The following MON2 variants were observed in gnomAD, a reference collection of about 807,000 sequenced individuals.
MON2 encodes MON2 regulator of endosome-to-Golgi trafficking, also known as protein MON2 homolog.
Under a neutral mutation model 208.6 loss-of-function variants are expected in MON2, and 84 were observed. That is an observed-to-expected ratio of 0.40 (90% CI 0.34 to 0.48). The LOEUF is 0.48. Among genes scored for constraint, MON2 ranks in the 20% least tolerant of loss-of-function variants. The probability of loss-of-function intolerance (pLI) is 0.59; values close to 1 mark genes in which losing one functional copy is unlikely to be tolerated. For missense variants in MON2, 1,611 were observed against 2,015.4 expected (o/e 0.80, Z 3.84); for synonymous variants, 660 against 694.0 (o/e 0.95, Z 0.77).
intron 2 of MON2, among the ~76,000 whole-genome samples, chr12:62,485,623 G>A (rs1411653248): frequency 6.6e-6 from 1 of 152,202 alleles, no homozygotes; most frequent in Admixed American, 6.5e-5. Flanking sequence ...ATATTGAGAA[G>A]TGGTATAGTG....
At chr12:62,545,545 G>A (rs1284038306) in intron 21 of MON2, 3 of 151,962 alleles carry the variant, frequency 2.0e-5, no homozygotes, top group Non-Finnish European at 4.4e-5. Context: ...TGACTGAGTA[G>A]GAATGAGGCA....
At chr12:62,572,500 C>T (rs963872721) in intron 30 of MON2, among the ~76,000 whole-genome samples, 26 of 152,216 alleles carry the variant, frequency 1.7e-4, no homozygotes, top group African/African-American at 6.0e-4. Context: ...GACCCAAGTG[C>T]AGCAGTGTGA....
At chr12:62,518,718 G>A (rs944589936) in intron 8 of MON2, among the ~76,000 whole-genome samples, 1 of 152,168 alleles carries the variant, frequency 6.6e-6, no homozygotes, top group South Asian at 2.1e-4. Context: ...AGGAAGGCCT[G>A]TTTTCCTGCT....
At chr12:62,573,392 A>G (rs1592437120) in intron 30 of MON2, among the ~76,000 whole-genome samples, 1 of 147,552 alleles carries the variant, frequency 6.8e-6, no homozygotes, top group Admixed American at 6.7e-5. Flanking sequence ...CTTTCAGATC[A>G]GCTTTTTTTT....
intron 29 of MON2, among the ~76,000 whole-genome samples, chr12:62,569,106 T>C (rs2074493636): frequency 6.6e-6 from 1 of 152,234 alleles, no homozygotes; most frequent in Non-Finnish European, 1.5e-5. Context: ...GAGCACATAC[T>C]GTATACCACT....
chr12:62,547,171 T>A (rs1365745223), intron 22 of MON2, 99 bp downstream of exon 22: 2 of 783,594 alleles, frequency 2.6e-6, no homozygotes, highest in Non-Finnish European at 1.8e-6. Flanking sequence ...AGAGAAGGAC[T>A]CCATCCTAAA....
At chr12:62,588,939 G>A in intron 34 of MON2, 6 of 1,371,302 alleles carry the variant, frequency 4.4e-6, no homozygotes, top group African/African-American at 1.5e-5. Context: ...TCTTTTCATT[G>A]AATGCAAAGC....
intron 8 of MON2, among the ~76,000 whole-genome samples, chr12:62,523,913 G>A (rs964652580): frequency 6.6e-6 from 1 of 152,046 alleles, no homozygotes; most frequent in Admixed American, 6.6e-5. Flanking sequence ...GGTGTGCCTT[G>A]AACATTATTT....
chr12:62,550,683 G>A (rs2073699925), intron 23 of MON2, among the ~76,000 whole-genome samples: 1 of 152,186 alleles, frequency 6.6e-6, no homozygotes, highest in Non-Finnish European at 1.5e-5. Flanking sequence ...AGGTTATGGT[G>A]ATAACGTCTT....
Position 62,598,882 on chromosome 12 carries a change from T to C in MON2, c.*6133T>C, listed in dbSNP as rs543360077. 1 of 152,298 alleles carries C rather than the reference T, an allele frequency of 6.6e-6. No individual in the cohort carries two copies. The highest frequency in any genetic ancestry group is 1.5e-5 in the Non-Finnish European group (1 of 67,996). 9.4% of individuals were successfully genotyped at this position (152,298 alleles called of 1,614,324 possible). A position where few individuals can be genotyped will look rare whatever the true frequency, so the allele number is the denominator to read the frequency against. Reference sequence around the variant, plus strand: ...GTTTTACAGCTAACATTAAGCATGATTCCAGGTTTTTAATTATGTTCCAGC... The same window carrying C: ...GTTTTACAGCTAACATTAAGCATGACTCCAGGTTTTTAATTATGTTCCAGC... On this transcript the variant is annotated 3_prime_UTR_variant, in exon 35 of 35. Transcript: ENST00000393630.
intron 5 of MON2, among the ~76,000 whole-genome samples, chr12:62,500,198 T>C (rs1274789336): frequency 6.6e-6 from 1 of 152,158 alleles, no homozygotes; most frequent in Admixed American, 6.5e-5. Context: ...ACTTAGAACT[T>C]TTTTCTTTTC....
At chr12:62,482,527 T>C (rs1031812312) in intron 1 of MON2, 6 of 152,218 alleles carry the variant, frequency 3.9e-5, no homozygotes, top group African/African-American at 1.2e-4. Flanking sequence ...ATAAGAAAAC[T>C]TGTACATATA....
rs900965100 is a variant in MON2 at position 62,546,796 on chromosome 12, A to G, written c.2578-101A>G. The G allele has an allele frequency of 1.2e-5, 10 of 826,280 alleles. No individual in the cohort carries two copies. In the African/African-American group the frequency reaches 1.6e-4, roughly 13 times the overall value. The allele number at this position is 826,280 out of a possible 1,614,324, so 51.2% of individuals were successfully genotyped here. A position where few individuals can be genotyped will look rare whatever the true frequency, so the allele number is the denominator to read the frequency against. ...AAACATAAAAATATCTATTTCCCAT[A>G]GTAGTCTGAATGGCGATGAATTTAA... On this transcript the variant is annotated intron_variant, in intron 21 of 34. Coordinates refer to ENST00000393630, the MANE Select transcript of MON2 (RefSeq NM_015026.3).
At chr12:62,542,371 T>G (rs1223907889) in intron 19 of MON2, among the ~76,000 whole-genome samples, 1 of 152,258 alleles carries the variant, frequency 6.6e-6, no homozygotes, top group Non-Finnish European at 1.5e-5. Context: ...AGTTGTCTTG[T>G]CTTTTTTCTA....
At chr12:62,578,013 A>C (rs2074853531) in intron 30 of MON2, among the ~76,000 whole-genome samples, 1 of 152,066 alleles carries the variant, frequency 6.6e-6, no homozygotes, top group Non-Finnish European at 1.5e-5. Context: ...CATTGTATTT[A>C]TTACAAATTA....
intron 30 of MON2, among the ~76,000 whole-genome samples, chr12:62,577,029 T>C (rs2074817154): frequency 6.6e-6 from 1 of 151,956 alleles, no homozygotes; most frequent in Non-Finnish European, 1.5e-5. Context: ...TTTTGCCTCT[T>C]CATTTTTTGT....
chr12:62,532,235 G>T (rs1440373164), intron 11 of MON2, among the ~76,000 whole-genome samples: 1 of 152,176 alleles, frequency 6.6e-6, no homozygotes, highest in Non-Finnish European at 1.5e-5. Context: ...TATGGCAGTG[G>T]TCAGGCCTTA....
chr12:62,569,060 C>A (rs2074491310), intron 29 of MON2, among the ~76,000 whole-genome samples: 1 of 152,160 alleles, frequency 6.6e-6, no homozygotes, highest in African/African-American at 2.4e-5. Context: ...GGCTCTTTCT[C>A]CAAAATTGTG....
intron 30 of MON2, among the ~76,000 whole-genome samples, chr12:62,574,438 A>G (rs539573925): frequency 3.3e-5 from 5 of 152,154 alleles, no homozygotes; most frequent in South Asian, 4.2e-4. Context: ...GTGAAGTCGC[A>G]TGTTCATGGC....
Sources: allele counts gnomAD v4.1 joint callset (sites outside exome capture counted in the v4.1 genomes callset), GRCh38; gene constraint gnomAD v4.1.1; transcripts MANE v1.5; gene names NCBI Gene and HGNC (gene_info 2026-07-23, HGNC 2026-07-21).